Variants in ADAMTSL1 observed in about 807,000 individuals in gnomAD.
ADAMTSL1 encodes the protein ADAMTS-like protein 1.
A neutral mutation model predicts 201.8 loss-of-function variants in ADAMTSL1; 126 were observed. That is an observed-to-expected ratio of 0.62 (90% CI 0.54 to 0.72). The LOEUF is 0.72. Among genes scored for constraint, ADAMTSL1 ranks in the 30% least tolerant of loss-of-function variants. ADAMTSL1 has a pLI of 0.00. For missense variants in ADAMTSL1, 2,679 were observed against 2,277.8 expected (o/e 1.18, Z -3.59); for synonymous variants, 1,121 against 903.4 (o/e 1.24, Z -4.32).
chr9:18,139,146 CCTT>C (rs1826287562), intron 1 of ADAMTSL1, among the ~76,000 whole-genome samples: 1 of 152,058 alleles, frequency 6.6e-6, no homozygotes, highest in Non-Finnish European at 1.5e-5. Context: ...ATTCAGCAAA[CCTT>C]GAACCTTATG....
chr9:18,609,629 G>T (rs1015723397), intron 4 of ADAMTSL1, among the ~76,000 whole-genome samples: 1 of 152,132 alleles, frequency 6.6e-6, no homozygotes, highest in South Asian at 2.1e-4. Context: ...CAGGTTCCCA[G>T]ATCCCTAAGG....
chr9:18,641,298 A>T (rs1284483849), intron 7 of ADAMTSL1, among the ~76,000 whole-genome samples: 1 of 152,064 alleles, frequency 6.6e-6, no homozygotes, highest in African/African-American at 2.4e-5. Flanking sequence ...GAAGAAACTG[A>T]ATTGTATTTG....
chr9:18,652,049 G>A (rs984754013), intron 7 of ADAMTSL1, among the ~76,000 whole-genome samples: 23 of 151,980 alleles, frequency 1.5e-4, no homozygotes, highest in Non-Finnish European at 2.9e-4. Context: ...TTGAAATAGT[G>A]ATACATATCA....
chr9:18,038,418 C>G (rs1298108073), intron 1 of ADAMTSL1, among the ~76,000 whole-genome samples: 3 of 152,144 alleles, frequency 2.0e-5, no homozygotes, highest in Non-Finnish European at 4.4e-5. Context: ...AGGCCCTAAC[C>G]TCCTTGAAAG....
At chr9:18,265,109 A>C (rs1243377650) in intron 2 of ADAMTSL1, among the ~76,000 whole-genome samples, 1 of 152,180 alleles carries the variant, frequency 6.6e-6, no homozygotes, top group Non-Finnish European at 1.5e-5. Context: ...TAAAAGTGCT[A>C]ACAAAAGGCA....
chr9:18,090,752 T>C (rs1362033351), intron 1 of ADAMTSL1, among the ~76,000 whole-genome samples: 1 of 152,236 alleles, frequency 6.6e-6, no homozygotes, highest in African/African-American at 2.4e-5. Flanking sequence ...GTAAATTTTA[T>C]GTATCTTTAA....
At chr9:18,303,011 A>G (rs2132738990) in intron 2 of ADAMTSL1, among the ~76,000 whole-genome samples, 1 of 152,342 alleles carries the variant, frequency 6.6e-6, no homozygotes, top group East Asian at 1.9e-4. Context: ...ATACATAAGA[A>G]AAGATGCAGA....
intron 1 of ADAMTSL1, among the ~76,000 whole-genome samples, chr9:18,030,330 A>T (rs961905130): frequency 5.3e-5 from 8 of 152,116 alleles, no homozygotes; most frequent in African/African-American, 1.9e-4. Context: ...TCTCACTCAT[A>T]GGTGGGAATT....
At chr9:18,576,230 C>A (rs1822714272) in intron 4 of ADAMTSL1, among the ~76,000 whole-genome samples, 1 of 151,990 alleles carries the variant, frequency 6.6e-6, no homozygotes, top group Admixed American at 6.6e-5. Flanking sequence ...TTGTTAGAGG[C>A]AATCATGTAG....
intron 23 of ADAMTSL1, among the ~76,000 whole-genome samples, chr9:18,883,513 T>C (rs1225073531): frequency 1.3e-5 from 2 of 152,228 alleles, no homozygotes; most frequent in Non-Finnish European, 2.9e-5. Context: ...TCTACCTTGT[T>C]GTGCAGCTAT....
chr9:17,986,352 A>T (rs1487554875), intron 1 of ADAMTSL1, among the ~76,000 whole-genome samples: 1 of 152,028 alleles, frequency 6.6e-6, no homozygotes, highest in East Asian at 1.9e-4. Flanking sequence ...TGACCCATTC[A>T]TTCAATTCAG....
intron 2 of ADAMTSL1, among the ~76,000 whole-genome samples, chr9:18,334,893 A>C (rs80267712): frequency 1.3e-5 from 2 of 152,136 alleles, no homozygotes; most frequent in Admixed American, 6.5e-5. Context: ...CATTTGGTCA[A>C]TTTTCTAAGC....
chr9:18,199,966 G>A (rs1829366734), intron 2 of ADAMTSL1, among the ~76,000 whole-genome samples: 1 of 151,936 alleles, frequency 6.6e-6, no homozygotes, highest in Admixed American at 6.6e-5. Flanking sequence ...TTGTCTCCAA[G>A]CTAATTATAG....
intron 2 of ADAMTSL1, among the ~76,000 whole-genome samples, chr9:18,304,860 A>G (rs1169381244): frequency 6.6e-6 from 1 of 152,118 alleles, no homozygotes; most frequent in Non-Finnish European, 1.5e-5. Context: ...GAAATAGAAA[A>G]ATGTTTCTGT....
intron 4 of ADAMTSL1, among the ~76,000 whole-genome samples, chr9:18,616,261 G>A (rs1173079130): frequency 1.3e-5 from 2 of 152,206 alleles, no homozygotes; most frequent in African/African-American, 4.8e-5. Context: ...GTGGCCTCAA[G>A]TGATCCGCCT....
At chr9:18,813,195 G>C (rs945484946) in intron 20 of ADAMTSL1, among the ~76,000 whole-genome samples, 1 of 152,024 alleles carries the variant, frequency 6.6e-6, no homozygotes, top group African/African-American at 2.4e-5. Flanking sequence ...TCAGTCTCTT[G>C]ACCACATGAT....
At chr9:18,509,190 CA>C (rs57922962) in intron 2 of ADAMTSL1, among the ~76,000 whole-genome samples, 39 of 20,446 alleles carry the variant, frequency 1.9e-3, no homozygotes, top group Admixed American at 3.3e-3. Flanking sequence ...GACTCCGTCT[CA>C]AAAAAAAAAA....
chr9:18,908,174 GCTGCAGAAA>G, intron 28 of ADAMTSL1: 1 of 485,542 alleles, frequency 2.1e-6, no homozygotes, highest in South Asian at 2.1e-5. Flanking sequence ...AGTAGAGGGA[GCTGCAGAAA>G]ACAAGCAGAC....
chr9:18,484,120 C>T (rs1393410354), intron 1 of ADAMTSL1, among the ~76,000 whole-genome samples: 1 of 152,122 alleles, frequency 6.6e-6, no homozygotes, highest in African/African-American at 2.4e-5. Context: ...TCATTGAGAG[C>T]CTGCTATATA....
Sources: gnomAD v4.1 joint callset for allele counts (sites outside exome capture counted in the v4.1 genomes callset) on GRCh38, gnomAD v4.1.1 for gene constraint, MANE v1.5 for transcripts, NCBI Gene and HGNC (gene_info 2026-07-23, HGNC 2026-07-21) for gene names.